Variants in DNAH10 observed in about 807,000 individuals in gnomAD.
DNAH10 encodes dynein axonemal heavy chain 10.
In DNAH10, 348 loss-of-function variants were observed where a neutral mutation model predicts 506.6. The observed-to-expected ratio is 0.69, with a 90% CI of 0.63 to 0.75. The LOEUF (loss-of-function observed/expected upper bound fraction) is 0.75, where lower values mean the gene tolerates loss of function less well. Ranked by LOEUF, DNAH10 falls within the 30% of genes least tolerant of loss-of-function variation. The pLI, the probability that DNAH10 is intolerant of heterozygous loss-of-function variation, is 0.00. For missense variants in DNAH10, 5,179 were observed against 5,787.1 expected, an observed-to-expected ratio of 0.89 and a Z score of 3.41; for synonymous variants, 2,059 against 2,198.6, an observed-to-expected ratio of 0.94 and a Z score of 1.78.
In DNAH10 at chr12:123,865,984, G is replaced by A. The variant is rs1297164405; in HGVS notation, c.7078G>A (p.Val2360Ile). Residue 2360 changes from valine (V) to isoleucine (I), a missense_variant, in exon 41 of 79, where the codon GTC becomes ATC. Coordinates refer to ENST00000673944, the MANE Select transcript of DNAH10 (RefSeq NM_001372106.1). ...GDLQYASPATVSRCGMVYVDP... is the reference protein window; with the variant it reads ...GDLQYASPATISRCGMVYVDP... ...TTTACAGTATGCCTCCCCTGCAACTGTCTCTCGATGTGGAATGGTTTATGT... is the reference window on the plus strand; with the variant it reads ...TTTACAGTATGCCTCCCCTGCAACTATCTCTCGATGTGGAATGGTTTATGT... The A allele has an allele frequency of 3.1e-6, 5 of 1,608,644 alleles. No individual in the cohort carries two copies. Among genetic ancestry groups the A allele is most frequent in the South Asian group, 1.1e-5 (1 of 90,040 alleles).
At position 123,767,776 on chromosome 12, in the gene DNAH10, C is replaced by G. The variant is rs921246024; in HGVS notation, c.298+87C>G. On this transcript the variant is annotated intron_variant, in intron 2 of 78. Coordinates refer to ENST00000673944, the MANE Select transcript of DNAH10 (RefSeq NM_001372106.1). ...AGGGTGCTGCCTGCCGTGCCACAATCAGTTGTACTTTCACTGGGTATGAAC... is the reference window on the plus strand; with the variant it reads ...AGGGTGCTGCCTGCCGTGCCACAATGAGTTGTACTTTCACTGGGTATGAAC... 5.3e-6 allele frequency: 6 copies of G among 1,123,412 alleles called. No individual in the cohort carries two copies. The African/African-American group carries it at 9.3e-5, about 17-fold the overall frequency. The allele number at this position is 1,123,412 out of a possible 1,614,324, so 69.6% of individuals were successfully genotyped here. A position where few individuals can be genotyped will look rare whatever the true frequency, so the allele number is the denominator to read the frequency against.
At chr12:123,878,243 GGT>G (rs1294170172) in intron 48 of DNAH10, among the ~76,000 whole-genome samples, 1 of 152,150 alleles carries the variant, frequency 6.6e-6, no homozygotes, top group Admixed American at 6.5e-5. Context: ...AGTCGTTGCC[GGT>G]TGGTTATAGG....
At chr12:123,930,706 C>T (rs1955164696) in intron 73 of DNAH10, 133 bp downstream of exon 73, 11 of 863,982 alleles carry the variant, frequency 1.3e-5, no homozygotes, top group East Asian at 3.1e-5. Context: ...TTAGGTGGCT[C>T]GGCAGACGCT....
intron 69 of DNAH10, 184 bp downstream of exon 69, chr12:123,927,004 A>C: frequency 2.4e-5 from 16 of 669,728 alleles, no homozygotes; most frequent in Non-Finnish European, 3.7e-5. Flanking sequence ...TCACAACCTC[A>C]TGTTGTGATC....
intron 39 of DNAH10, among the ~76,000 whole-genome samples, chr12:123,863,603 T>A (rs1250244022): frequency 6.6e-6 from 1 of 152,246 alleles, no homozygotes; most frequent in Non-Finnish European, 1.5e-5. Flanking sequence ...TTTCAAACTT[T>A]GCCTCTTTCT....
rs751418956 is a variant in DNAH10, at chr12:123,808,792, C to T, written c.2988-5C>T. 6.2e-7 allele frequency: 1 copy of T among 1,614,024 alleles called. No homozygotes were observed. The highest frequency in any genetic ancestry group is 8.5e-7 in the Non-Finnish European group (1 of 1,179,976). On this transcript the variant is annotated splice_polypyrimidine_tract_variant and splice_region_variant and intron_variant, in intron 18 of 78. Coordinates refer to ENST00000673944, the MANE Select transcript of DNAH10 (RefSeq NM_001372106.1). ...CTCTGAGTCTTTCTCATCAACCCCT[C>T]TTAGGAACTTGCAGTCTTTTAATTC...
In DNAH10 at chr12:123,923,788, C is replaced by T. The variant is rs759355898; in HGVS notation, c.11532C>T (p.Leu3844=). 79 of 1,611,772 alleles carry T rather than the reference C, an allele frequency of 4.9e-5. No individual in the cohort carries two copies. In the South Asian group the frequency reaches 8.7e-4, roughly 18 times the overall value. The part of the protein sequence containing the change: ...CTGLFERHKL[L]FSFNMTIKIE... ...GGCTGTTTGAGAGGCACAAGCTACT[C>T]TTTTCTTTTAATATGACCATCAAGA... Residue 3844 remains leucine, a synonymous_variant, in exon 66 of 79, where the codon CTC becomes CTT. Coordinates refer to ENST00000673944, the MANE Select transcript of DNAH10 (RefSeq NM_001372106.1).
intron 62 of DNAH10, among the ~76,000 whole-genome samples, chr12:123,915,878 G>A (rs1033656990): frequency 1.7e-4 from 26 of 152,318 alleles, no homozygotes; most frequent in African/African-American, 5.3e-4. Context: ...CTCTTGGGGC[G>A]ATACCTAGGA....
rs748895794 is a variant in DNAH10 at position 123,808,963 on chromosome 12, G to T, written c.3144+10G>T. 1 of 1,613,772 alleles carries T rather than the reference G, an allele frequency of 6.2e-7. No individual in the cohort carries two copies. Among genetic ancestry groups the T allele is most frequent in the Non-Finnish European group, 8.5e-7 (1 of 1,179,922 alleles). On this transcript the variant is annotated intron_variant, in intron 19 of 78. Transcript: ENST00000673944. Reference sequence around the variant, plus strand: ...CGTGGAGATCACCAAGGTGAGAGCGGAGGTGCTTGTGTCCTTGCTCAGACG... The same window carrying T: ...CGTGGAGATCACCAAGGTGAGAGCGTAGGTGCTTGTGTCCTTGCTCAGACG...
Position 123,916,707 on chromosome 12 carries a change from T to C in DNAH10, c.10973T>C (p.Phe3658Ser). ...LANPRYSPSVFGKAMVINYTV... is the reference protein window; with the variant it reads ...LANPRYSPSVSGKAMVINYTV... The stretch of plus-strand genomic sequence containing the variant: ...AATCCCAGATATTCCCCATCCGTGT[T>C]TGGGAAAGCTATGGTGATCAATTAC... Residue 3658 changes from phenylalanine (F) to serine (S), a missense_variant, in exon 63 of 79, where the codon TTT (phenylalanine) becomes TCT (serine). By Grantham distance (155) the Phe-to-Ser change is radical. Around this residue, in one of 3 missense-constraint regions of DNAH10, gnomAD observed 4,844 missense variants for 5,430.5 expected, o/e 0.89. Coordinates refer to ENST00000673944, the MANE Select transcript of DNAH10 (RefSeq NM_001372106.1). This position sits in a 1 kb window ranked among gnomAD's most constrained non-coding sequence, Gnocchi z 4.6. 2 of 1,613,208 alleles carry C rather than the reference T, an allele frequency of 1.2e-6. No individual in the cohort carries two copies. Among genetic ancestry groups the C allele is most frequent in the Non-Finnish European group, 8.5e-7 (1 of 1,179,486 alleles).
chr12:123,894,801 T>A, intron 54 of DNAH10, 78 bp downstream of exon 54: 1 of 1,321,208 alleles, frequency 7.6e-7, no homozygotes, highest in South Asian at 1.2e-5. Context: ...CTTTGAATTC[T>A]GGTCTTGTAG....
At position 123,931,950 on chromosome 12, in the gene DNAH10, G is replaced by A; in HGVS notation, c.13138G>A (p.Gly4380Arg). The change falls in exon 76 of 79, where the codon GGA becomes AGA. Residue 4380 changes from glycine to arginine, a missense_variant. Around this residue, in one of 3 missense-constraint regions of DNAH10, gnomAD observed 4,844 missense variants for 5,430.5 expected, o/e 0.89. Transcript: ENST00000673944. ...TCTTGATTCTAAATAGGCCTTGGCT[G>A]GAGAAGTTGGAATGAGCAATGAGTT... ...SLAELQRALAGEVGMSNELDD... is the reference protein window; with the variant it reads ...SLAELQRALAREVGMSNELDD... 1 of 1,614,042 alleles carries A rather than the reference G, an allele frequency of 6.2e-7. No homozygotes were observed. Among genetic ancestry groups the A allele is most frequent in the Non-Finnish European group, 8.5e-7 (1 of 1,179,896 alleles).
rs1440518621 is a variant in DNAH10 at position 123,776,109 on chromosome 12, C to T, written c.621+1845C>T. On this transcript the variant is annotated intron_variant, in intron 5 of 78. Transcript: ENST00000673944. Reference sequence around the variant, plus strand: ...TCAATTACCTCCCACCAGGTCTCTCCCATGACACGTGGGGATTATGGGAAC... The same window carrying T: ...TCAATTACCTCCCACCAGGTCTCTCTCATGACACGTGGGGATTATGGGAAC... Among the ~76,000 whole-genome samples, 3 of 152,132 alleles carry T rather than the reference C, an allele frequency of 2.0e-5. No individual in the cohort carries two copies. In the East Asian group the frequency reaches 5.8e-4, roughly 29 times the overall value.
intron 30 of DNAH10, among the ~76,000 whole-genome samples, chr12:123,842,688 A>T (rs1376693962): frequency 2.0e-5 from 3 of 152,236 alleles, no homozygotes; most frequent in Admixed American, 2.0e-4. Context: ...TGTTCAGTGG[A>T]TAAACTGGTA....
At chr12:123,888,493 G>T (rs1202797739) in intron 52 of DNAH10, among the ~76,000 whole-genome samples, 7 of 152,226 alleles carry the variant, frequency 4.6e-5, no homozygotes, top group African/African-American at 1.7e-4. Context: ...GGCAGAGGGA[G>T]ATTTGAGACA....
chr12:123,784,096 A>C lies in DNAH10; in HGVS notation c.1149A>C (p.Pro383=). 6.2e-7 allele frequency: 1 copy of C among 1,614,240 alleles called. No homozygotes were observed. Among genetic ancestry groups the C allele is most frequent in the Non-Finnish European group, 8.5e-7 (1 of 1,180,050 alleles). ...CCATGCTTGTGGCTAATCTGCAGCC[A>C]GTGTTCACCGAGTTATTCAAGTTCC... The part of the protein sequence containing the change: ...SDSMLVANLQ[P]VFTELFKFHT... Residue 383 remains proline (P), a synonymous_variant, in exon 8 of 79, where the codon CCA becomes CCC. Coordinates refer to ENST00000673944, the MANE Select transcript of DNAH10 (RefSeq NM_001372106.1).
chr12:123,766,428 A>T (rs1181504978), intron 1 of DNAH10, among the ~76,000 whole-genome samples: 5 of 152,202 alleles, frequency 3.3e-5, no homozygotes, highest in Non-Finnish European at 7.3e-5. Context: ...TACTATATAT[A>T]CATATTATTT....
At position 123,762,302 on chromosome 12, in the gene DNAH10, C is replaced by T; in HGVS notation, c.-35C>T. 8.1e-7 allele frequency: 1 copy of T among 1,232,452 alleles called. No homozygotes were observed. Among genetic ancestry groups the T allele is most frequent in the South Asian group, 4.1e-5 (1 of 24,524 alleles). 76.3% of individuals were successfully genotyped at this position (1,232,452 alleles called of 1,614,324 possible). A position where few individuals can be genotyped will look rare whatever the true frequency, so the allele number is the denominator to read the frequency against. Reference sequence around the variant, plus strand: ...GGGCCGCCGTTGCCACGGACGCCCGCCCTGCGCCCGGCTCCCTCTGCACTG... The same window carrying T: ...GGGCCGCCGTTGCCACGGACGCCCGTCCTGCGCCCGGCTCCCTCTGCACTG... On this transcript the variant is annotated 5_prime_UTR_variant, in exon 1 of 79. Transcript: ENST00000673944. This position sits in a 1 kb window ranked among gnomAD's most constrained non-coding sequence, Gnocchi z 5.0.
chr12:123,929,800 C>A (rs1955122316), intron 72 of DNAH10, 41 bp downstream of exon 72: 1 of 1,567,582 alleles, frequency 6.4e-7, no homozygotes, highest in Non-Finnish European at 8.7e-7. Context: ...GCCTCTGGGG[C>A]TACAGAGCTG....
Sources: allele counts gnomAD v4.1 joint callset (sites outside exome capture counted in the v4.1 genomes callset), GRCh38; gene constraint gnomAD v4.1.1; regional missense constraint gnomAD v4.1.1; non-coding constraint Gnocchi (gnomAD v3.1); transcripts MANE v1.5; gene names NCBI Gene and HGNC (gene_info 2026-07-23, HGNC 2026-07-21).